The following HAUS1 variants were observed in gnomAD, a reference collection of about 807,000 sequenced individuals.
HAUS1 encodes HAUS augmin-like complex subunit 1.
Under a neutral mutation model 38.6 loss-of-function variants are expected in HAUS1, and 25 were observed. The ratio of observed to expected loss-of-function variants is 0.65; its 90% CI spans 0.47 to 0.91. The LOEUF is 0.91. Among genes scored for constraint, HAUS1 ranks in the 40% least tolerant of loss-of-function variants. The probability of loss-of-function intolerance (pLI) is 0.00; values close to 1 mark genes in which losing one functional copy is unlikely to be tolerated. For missense variants in HAUS1, 325 were observed against 328.4 expected, an observed-to-expected ratio of 0.99 and a Z score of 0.08; for synonymous variants, 109 against 112.9, an observed-to-expected ratio of 0.97 and a Z score of 0.22.
intron 2 of HAUS1, among the ~76,000 whole-genome samples, 200 bp downstream of exon 2, chr18:46,105,568 GT>G (rs1911445130): frequency 6.7e-6 from 1 of 149,784 alleles, no homozygotes; most frequent in Non-Finnish European, 1.5e-5. Flanking sequence ...GTGTGTGTGT[GT>G]GTGTGTGTGT....
intron 2 of HAUS1, among the ~76,000 whole-genome samples, 191 bp downstream of exon 2, chr18:46,105,559 T>A (rs1046658488): frequency 1.6e-5 from 2 of 126,634 alleles, no homozygotes; most frequent in African/African-American, 6.7e-5. Context: ...TATGTGTGTG[T>A]GTGTGTGTGT....
chr18:46,113,277 A>G (rs1254363646), intron 2 of HAUS1, among the ~76,000 whole-genome samples: 4 of 151,572 alleles, frequency 2.6e-5, no homozygotes, highest in African/African-American at 4.8e-5. Flanking sequence ...GGGTTTCACC[A>G]TGTTGCCCAG....
intron 8 of HAUS1, among the ~76,000 whole-genome samples, chr18:46,127,656 C>T (rs949015953): frequency 2.0e-5 from 3 of 148,694 alleles, no homozygotes; most frequent in East Asian, 2.0e-4. Flanking sequence ...CAGAGTGAGC[C>T]GAGATTGTCC....
At chr18:46,121,366 A>G (rs1006457456) in intron 4 of HAUS1, among the ~76,000 whole-genome samples, 2 of 151,390 alleles carry the variant, frequency 1.3e-5, no homozygotes, top group Non-Finnish European at 2.9e-5. Flanking sequence ...ATTTCTTTGT[A>G]TTTTTAGCAG....
intron 7 of HAUS1, among the ~76,000 whole-genome samples, chr18:46,125,422 G>A (rs915656745): frequency 5.9e-5 from 9 of 151,642 alleles, no homozygotes; most frequent in Non-Finnish European, 8.8e-5. Context: ...GGTGGTGGGC[G>A]CTTATAATCC....
At chr18:46,111,204 A>G (rs1417966849) in intron 2 of HAUS1, among the ~76,000 whole-genome samples, 1 of 151,854 alleles carries the variant, frequency 6.6e-6, no homozygotes, top group African/African-American at 2.4e-5. Flanking sequence ...TTTTACCCTA[A>G]TATGTCTGTT....
chr18:46,122,917 A>G (rs1466047895), intron 5 of HAUS1, among the ~76,000 whole-genome samples: 1 of 152,190 alleles, frequency 6.6e-6, no homozygotes, highest in Non-Finnish European at 1.5e-5. Flanking sequence ...GTTATATGTT[A>G]AAAATATTTG....
chr18:46,116,516 G>C (rs1911801279), intron 2 of HAUS1, among the ~76,000 whole-genome samples: 1 of 151,836 alleles, frequency 6.6e-6, no homozygotes, highest in African/African-American at 2.4e-5. Flanking sequence ...AGCTGAGATT[G>C]TACCATTGTA....
At chr18:46,122,747 C>G (rs1487452113) in intron 5 of HAUS1, among the ~76,000 whole-genome samples, 157 bp downstream of exon 5, 1 of 152,132 alleles carries the variant, frequency 6.6e-6, no homozygotes, top group Non-Finnish European at 1.5e-5. Flanking sequence ...GTAAGCAGAT[C>G]TAGATTCAAA....
intron 7 of HAUS1, 129 bp downstream of exon 7, chr18:46,125,022 G>A (rs983641093): frequency 5.5e-6 from 3 of 545,300 alleles, no homozygotes; most frequent in African/African-American, 3.8e-5. Flanking sequence ...CACTTTGGGA[G>A]GACAAGGCAG....
intron 4 of HAUS1, among the ~76,000 whole-genome samples, chr18:46,121,392 A>G (rs772193346): frequency 2.0e-5 from 3 of 152,090 alleles, no homozygotes; most frequent in East Asian, 3.9e-4. Flanking sequence ...GGGTTTCACC[A>G]TGTTGGCCAG....
chr18:46,122,398 A>C lies in HAUS1; in HGVS notation c.477-69A>C, dbSNP rs1568266295. 4 of 1,505,280 alleles carry C rather than the reference A, an allele frequency of 2.7e-6. No homozygotes were observed. The East Asian group carries it at 9.1e-5, about 34-fold the overall frequency. 93.2% of individuals were successfully genotyped at this position (1,505,280 alleles called of 1,614,324 possible). ...CCAGCATTGAATCCAAAAGTAGTAG[A>C]GTTTCTATTGTACAATACTTTTACT... On this transcript the variant is annotated intron_variant, in intron 4 of 8. Transcript: ENST00000282058.
chr18:46,111,926 C>G (rs577966441), intron 2 of HAUS1, among the ~76,000 whole-genome samples: 60 of 148,040 alleles, frequency 4.1e-4, no homozygotes, highest in African/African-American at 1.5e-3. Flanking sequence ...TGCCCTGTTG[C>G]CCAGGCTGGA....
At position 46,128,194 on chromosome 18, in the gene HAUS1, C is replaced by T; in HGVS notation, c.*69C>T. On this transcript the variant is annotated 3_prime_UTR_variant, in exon 9 of 9. Coordinates refer to ENST00000282058, the MANE Select transcript of HAUS1 (RefSeq NM_138443.4). ...ATAGGACTTTACAGAGTTCTTTTTC[C>T]TCTTGGCATTTCCTAATAACAAAAC... The T allele has an allele frequency of 1.1e-6, 1 of 907,972 alleles. No individual in the cohort carries two copies. The highest frequency in any genetic ancestry group is 1.7e-6 in the Non-Finnish European group (1 of 600,108). 56.2% of individuals were successfully genotyped at this position (907,972 alleles called of 1,614,324 possible).
At chr18:46,106,222 G>A (rs1039375820) in intron 2 of HAUS1, among the ~76,000 whole-genome samples, 2 of 152,162 alleles carry the variant, frequency 1.3e-5, no homozygotes, top group Non-Finnish European at 2.9e-5. Flanking sequence ...TGTAATCCCA[G>A]CACTTTGGGA....
At chr18:46,110,362 T>TTTTTTG (rs1911595824) in intron 2 of HAUS1, among the ~76,000 whole-genome samples, 3 of 135,066 alleles carry the variant, frequency 2.2e-5, no homozygotes, top group South Asian at 2.3e-4. Flanking sequence ...TTTTTTTTTT[T>TTTTTTG]AGATGGAGTT....
chr18:46,112,786 A>G lies in HAUS1; in HGVS notation c.206-5395A>G, dbSNP rs1439260113. ...TGTATATATATTCCATATTATATAT[A>G]TAATATATATAATGTGTATATATAT... On this transcript the variant is annotated intron_variant, in intron 2 of 8. Coordinates refer to ENST00000282058, the MANE Select transcript of HAUS1 (RefSeq NM_138443.4). Among the ~76,000 whole-genome samples the G allele has an allele frequency of 2.0e-3, 55 of 27,322 alleles. 1 individual carries two copies. The highest frequency in any genetic ancestry group is 0.013 in the African/African-American group (53 of 4,168). The allele number at this position is 27,322 out of a possible 152,430, so 17.9% of individuals were successfully genotyped here. A position where few individuals can be genotyped will look rare whatever the true frequency, so the allele number is the denominator to read the frequency against.
chr18:46,108,394 C>G (rs1201655603), intron 2 of HAUS1, among the ~76,000 whole-genome samples: 1 of 151,648 alleles, frequency 6.6e-6, no homozygotes, highest in Non-Finnish European at 1.5e-5. Context: ...GCCTCACCCT[C>G]CCAAAGTGCT....
intron 4 of HAUS1, among the ~76,000 whole-genome samples, chr18:46,121,021 T>G (rs184523865): frequency 6.6e-6 from 1 of 152,378 alleles, no homozygotes; most frequent in Admixed American, 6.5e-5. Context: ...TATGATACTT[T>G]AGGCCTTTTT....
Sources: gnomAD v4.1 joint callset for allele counts (sites outside exome capture counted in the v4.1 genomes callset) on GRCh38, gnomAD v4.1.1 for gene constraint, MANE v1.5 for transcripts, NCBI Gene and HGNC (gene_info 2026-07-23, HGNC 2026-07-21) for gene names.